PTPRN2: variants seen among roughly 807,000 people sequenced by gnomAD.
PTPRN2 encodes the protein receptor-type tyrosine-protein phosphatase N2.
PTPRN2 carries 74 observed loss-of-function variants against 118.8 expected under a neutral mutation model. That is an observed-to-expected ratio of 0.62 (90% CI 0.52 to 0.76). The LOEUF (loss-of-function observed/expected upper bound fraction) is 0.76. Ranked by LOEUF, PTPRN2 falls within the 30% of genes least tolerant of loss-of-function variation. PTPRN2 has a pLI of 0.00. For synonymous variants in PTPRN2, 641 were observed against 608.0 expected, an observed-to-expected ratio of 1.05 and a Z score of -0.80; for missense variants, 1,481 against 1,394.4, an observed-to-expected ratio of 1.06 and a Z score of -0.99.
chr7:158,190,429 G>T (rs1430946294), intron 5 of PTPRN2, among the ~76,000 whole-genome samples: 1 of 152,210 alleles, frequency 6.6e-6, no homozygotes, highest in Non-Finnish European at 1.5e-5. Context: ...ACCCTCTAGG[G>T]TTAGGCCCAC....
chr7:158,557,465 C>A (rs1425618641), intron 1 of PTPRN2, among the ~76,000 whole-genome samples: 1 of 152,266 alleles, frequency 6.6e-6, no homozygotes, highest in African/African-American at 2.4e-5. Flanking sequence ...ATTCCCCAAC[C>A]TGGTGCCATG....
At chr7:157,715,921 C>T (rs62475253) in intron 12 of PTPRN2, among the ~76,000 whole-genome samples, 17,501 of 152,266 alleles carry the variant, frequency 0.11, 1,363 homozygotes, top group Non-Finnish European at 0.17. Flanking sequence ...GGGCAGCGGG[C>T]GGCCTGGAGG....
intron 12 of PTPRN2, among the ~76,000 whole-genome samples, chr7:157,731,524 G>A (rs1269456677): frequency 0.024 from 2,420 of 99,894 alleles, 33 homozygotes; most frequent in African/African-American, 0.057. Context: ...ACCCTTTCCC[G>A]TCCCATGCGC....
rs114116499 is a variant in PTPRN2, at chr7:158,115,528, G to A, written c.1557-4613C>T. Among the ~76,000 whole-genome samples the A allele has an allele frequency of 2.9e-3, 446 of 152,160 alleles. 4 individuals are homozygous for A. Among genetic ancestry groups the A allele is most frequent in the African/African-American group, 0.01 (428 of 41,516 alleles). ...CCCAAGGTGAAGGTGTGAGGAGGAG[G>A]GGCCTATGGGAGGTGGTCAGGTCAT... On this transcript the variant is annotated intron_variant, in intron 9 of 22. Transcript: ENST00000389418.
intron 11 of PTPRN2, among the ~76,000 whole-genome samples, chr7:157,916,768 C>T (rs1414918869): frequency 2.6e-5 from 4 of 151,342 alleles, no homozygotes; most frequent in Admixed American, 6.6e-5. Flanking sequence ...CCGGCCACTC[C>T]GGGACACGTC....
intron 3 of PTPRN2, among the ~76,000 whole-genome samples, chr7:158,254,715 C>T (rs1279403710): frequency 6.6e-6 from 1 of 152,226 alleles, no homozygotes; most frequent in African/African-American, 2.4e-5. Flanking sequence ...GCCACCGCTG[C>T]ACACAGCAGT....
At chr7:157,694,034 A>G (rs935499824) in intron 12 of PTPRN2, among the ~76,000 whole-genome samples, 6 of 152,268 alleles carry the variant, frequency 3.9e-5, no homozygotes, top group African/African-American at 1.4e-4. Flanking sequence ...GGCGGAGCCT[A>G]GTACAGGCCA....
At chr7:158,203,015 T>C (rs1369993614) in intron 4 of PTPRN2, among the ~76,000 whole-genome samples, 1 of 151,826 alleles carries the variant, frequency 6.6e-6, no homozygotes, top group Non-Finnish European at 1.5e-5. Context: ...GGGCGGATCA[T>C]GAGGTCAGGA....
chr7:157,738,546 G>A (rs1469011454), intron 12 of PTPRN2, among the ~76,000 whole-genome samples: 1 of 152,244 alleles, frequency 6.6e-6, no homozygotes, highest in Non-Finnish European at 1.5e-5. Context: ...GGTGCAGCCA[G>A]CGGCTGGTCA....
At chr7:158,247,496 C>A (rs1204814538) in intron 3 of PTPRN2, among the ~76,000 whole-genome samples, 1 of 152,216 alleles carries the variant, frequency 6.6e-6, no homozygotes, top group Non-Finnish European at 1.5e-5. Context: ...ATGTCCACGG[C>A]TCGTGGGCAG....
rs202189050 is a variant in PTPRN2 at position 157,724,837 on chromosome 7, T to C, written c.1789-41900A>G. ...TCCTGAGGCGGGGACCATCTGTGTA[T>C]TGTTGAGTCTGCTTTCCATGAATCA... is the stretch of plus-strand genomic sequence containing the variant. On this transcript the variant is annotated intron_variant, in intron 12 of 22. Coordinates refer to ENST00000389418, the MANE Select transcript of PTPRN2 (RefSeq NM_002847.5). Among the ~76,000 whole-genome samples, 38 of 152,344 alleles carry C rather than the reference T, an allele frequency of 2.5e-4. No homozygotes were observed. The East Asian group carries it at 7.3e-3, about 29-fold the overall frequency.
intron 12 of PTPRN2, among the ~76,000 whole-genome samples, chr7:157,776,464 T>C (rs796944218): frequency 1.5e-3 from 39 of 25,500 alleles, no homozygotes; most frequent in East Asian, 4.3e-3. Flanking sequence ...TCCTCCTCCC[T>C]CTCCTTCTCC....
chr7:157,831,631 G>A lies in PTPRN2; in HGVS notation c.1788+67042C>T, dbSNP rs746890556. Among the ~76,000 whole-genome samples the A allele has an allele frequency of 1.3e-5, 2 of 151,992 alleles. No homozygotes were observed. The highest frequency in any genetic ancestry group is 6.5e-5 in the Admixed American group (1 of 15,278). ...CATCTCCACCTGTCAGAACGAGCAG[G>A]AAGACATCCAACCCTTATTGGGAGT... is the stretch of plus-strand genomic sequence containing the variant. On this transcript the variant is annotated intron_variant, in intron 12 of 22. Transcript: ENST00000389418. This position sits in a 1 kb window ranked among gnomAD's most constrained non-coding sequence, Gnocchi z 4.8.
intron 2 of PTPRN2, among the ~76,000 whole-genome samples, chr7:158,331,792 A>C (rs1396547955): frequency 5.4e-5 from 8 of 148,068 alleles, no homozygotes; most frequent in Non-Finnish European, 1.0e-4. Context: ...ACGCACAGAC[A>C]TCACTCACAC....
intron 11 of PTPRN2, among the ~76,000 whole-genome samples, chr7:158,057,377 C>T (rs12537305): frequency 2.6e-5 from 4 of 152,196 alleles, no homozygotes; most frequent in Non-Finnish European, 4.4e-5. Flanking sequence ...AGATGAACTT[C>T]CACGTTACAG....
At position 158,151,937 on chromosome 7, in the gene PTPRN2, G is replaced by A. The variant is rs189484670; in HGVS notation, c.911-13422C>T. On this transcript the variant is annotated intron_variant, in intron 6 of 22. Coordinates refer to ENST00000389418, the MANE Select transcript of PTPRN2 (RefSeq NM_002847.5). The stretch of plus-strand genomic sequence containing the variant: ...GCCTGTAATCCCAGCACTTTGGGAG[G>A]CCGAGGCGGGTGGATCACAAGGTCA... Among the ~76,000 whole-genome samples the A allele has an allele frequency of 4.9e-4, 75 of 152,284 alleles. 1 individual carries two copies. Among genetic ancestry groups the A allele is most frequent in the African/African-American group, 7.2e-4 (30 of 41,578 alleles).
chr7:158,333,396 T>G (rs1241854320), intron 2 of PTPRN2, among the ~76,000 whole-genome samples: 2 of 139,898 alleles, frequency 1.4e-5, no homozygotes, highest in Non-Finnish European at 3.1e-5. Context: ...AGGTGACACC[T>G]GCAGACGTCA....
At chr7:157,712,610 GCGTGGTGGTGGGCAC>G (rs763393414) in intron 12 of PTPRN2, among the ~76,000 whole-genome samples, 54 of 152,098 alleles carry the variant, frequency 3.6e-4, no homozygotes, top group Non-Finnish European at 7.1e-4. Context: ...AATTAGCCAG[GCGTGGTGGTGGGCAC>G]CTGTAATCTC....
intron 10 of PTPRN2, among the ~76,000 whole-genome samples, chr7:158,100,294 T>C (rs1486071136): frequency 6.6e-6 from 1 of 151,868 alleles, no homozygotes. Context: ...GATTTCTTTA[T>C]CTACTCATTG....
Sources: allele counts gnomAD v4.1 joint callset (sites outside exome capture counted in the v4.1 genomes callset), GRCh38; gene constraint gnomAD v4.1.1; non-coding constraint Gnocchi (gnomAD v3.1); transcripts MANE v1.5; gene names NCBI Gene and HGNC (gene_info 2026-07-23, HGNC 2026-07-21).